Variants in ACACB observed in about 807,000 individuals in gnomAD.
The protein encoded by ACACB is acetyl-CoA carboxylase 2.
Under a neutral mutation model 278.8 loss-of-function variants are expected in ACACB, and 209 were observed. The observed-to-expected ratio is 0.75, with a 90% confidence interval of 0.67 to 0.84. ACACB has a LOEUF of 0.84. ACACB is among the 40% of genes least tolerant of loss of function. ACACB has a pLI of 0.00. For synonymous variants in ACACB, 1,174 were observed against 1,285.6 expected, an observed-to-expected ratio of 0.91 and a Z score of 1.86; for missense variants, 2,850 against 3,269.0, an observed-to-expected ratio of 0.87 and a Z score of 3.13.
upstream of ACACB, among the ~76,000 whole-genome samples, chr12:109,116,058 T>C (rs999059299): frequency 9.9e-5 from 15 of 152,234 alleles, no homozygotes; most frequent in African/African-American, 3.4e-4. Flanking sequence ...TCTTCTGTGC[T>C]CAACCCTAGC....
In ACACB at chr12:109,254,253, C is replaced by T; in HGVS notation, c.6085C>T (p.Pro2029Ser). The T allele has an allele frequency of 6.2e-7, 1 of 1,613,802 alleles. No homozygotes were observed. Among genetic ancestry groups the T allele is most frequent in the Non-Finnish European group, 8.5e-7 (1 of 1,179,838 alleles). ...TGTCCCTATCATCACACCCACTGAC[C>T]CCATTGACAGAGAAATTGAATTCCT... ...SPVPIITPTDPIDREIEFLPS... is the reference protein window; with the variant it reads ...SPVPIITPTDSIDREIEFLPS... The change falls in exon 44 of 53, where the codon CCC becomes TCC. Residue 2029 changes from proline (P) to serine (S), a missense_variant. Pro to Ser is a moderately conservative substitution (Grantham distance 74, BLOSUM62 -1). This residue lies in a region of ACACB where 579 missense variants were observed against 684.6 expected (regional missense o/e 0.85). Transcript: ENST00000338432.
At chr12:109,232,506 A>AGGCCCC (rs1192142284) in intron 28 of ACACB, among the ~76,000 whole-genome samples, 163 bp from the exon 29 acceptor site, 3 of 152,114 alleles carry the variant, frequency 2.0e-5, no homozygotes, top group African/African-American at 4.8e-5. Context: ...GACCCTCCTC[A>AGGCCCC]GGCCCCGGCC....
chr12:109,198,965 A>T (rs1449205615), intron 17 of ACACB, among the ~76,000 whole-genome samples: 1 of 151,812 alleles, frequency 6.6e-6, no homozygotes, highest in Admixed American at 6.6e-5. Context: ...AGGCGGGCGG[A>T]TCATGAGGTC....
chr12:109,250,536 G>A (rs867629019), intron 41 of ACACB, among the ~76,000 whole-genome samples: 2 of 152,190 alleles, frequency 1.3e-5, no homozygotes, highest in Admixed American at 6.5e-5. Flanking sequence ...GGTACTGAAT[G>A]TTTAGAAGAA....
chr12:109,261,315 T>C (rs2047370020), intron 48 of ACACB, among the ~76,000 whole-genome samples: 1 of 152,222 alleles, frequency 6.6e-6, no homozygotes, highest in Non-Finnish European at 1.5e-5. Flanking sequence ...CCTCACTGTA[T>C]GCCAGCCATT....
chr12:109,252,235 G>A, intron 42 of ACACB, 79 bp downstream of exon 42: 1 of 998,142 alleles, frequency 1.0e-6, no homozygotes, highest in Non-Finnish European at 1.4e-6. Context: ...TCTCTGGTGG[G>A]GGATTTTTCT....
chr12:109,243,828 T>C (rs553748949), intron 37 of ACACB, among the ~76,000 whole-genome samples: 3 of 151,610 alleles, frequency 2.0e-5, no homozygotes, highest in South Asian at 4.2e-4. Flanking sequence ...ACCACTGACA[T>C]TGGTGATGTG....
chr12:109,183,910 T>A (rs1485833094), intron 11 of ACACB, among the ~76,000 whole-genome samples: 1 of 152,034 alleles, frequency 6.6e-6, no homozygotes, highest in African/African-American at 2.4e-5. Flanking sequence ...AAAGTTTTCT[T>A]TATTTTTTTT....
chr12:109,257,712 AG>A (rs2047265783), intron 45 of ACACB, among the ~76,000 whole-genome samples: 1 of 152,088 alleles, frequency 6.6e-6, no homozygotes, highest in South Asian at 2.1e-4. Context: ...CTGGGACTAG[AG>A]GTGTGCGCCA....
chr12:109,170,987 C>T (rs2044094264), intron 4 of ACACB, among the ~76,000 whole-genome samples: 1 of 151,198 alleles, frequency 6.6e-6, no homozygotes, highest in South Asian at 2.1e-4. Flanking sequence ...TAGGCATGCA[C>T]CACCATTCCT....
chr12:109,112,090 C>T (rs946506266), upstream of ACACB, among the ~76,000 whole-genome samples: 19 of 151,838 alleles, frequency 1.3e-4, no homozygotes, highest in Admixed American at 2.6e-4. Context: ...GTAGGGGGAG[C>T]AGTGAGCTCC....
intron 26 of ACACB, 94 bp downstream of exon 26, chr12:109,223,006 G>T: frequency 1.0e-6 from 1 of 974,642 alleles, no homozygotes; most frequent in South Asian, 1.4e-5. Flanking sequence ...CCCTCCAGGT[G>T]CTCAGTGGGG....
chr12:109,172,580 A>G (rs1313535280), intron 6 of ACACB, among the ~76,000 whole-genome samples: 2 of 152,226 alleles, frequency 1.3e-5, no homozygotes, highest in East Asian at 3.9e-4. Context: ...GAAGACACAC[A>G]GGCAGCCAAC....
In ACACB at chr12:109,216,726, A is replaced by G; in HGVS notation, c.3439+20A>G. ...AGCAAGGCAAGAGATGCTGATGCCAACACCAGTGGGATGGTGGGGGGCGTG... is the reference window on the plus strand; with the variant it reads ...AGCAAGGCAAGAGATGCTGATGCCAGCACCAGTGGGATGGTGGGGGGCGTG... On this transcript the variant is annotated intron_variant, in intron 23 of 52. Coordinates refer to ENST00000338432, the MANE Select transcript of ACACB (RefSeq NM_001093.4). 1.9e-6 allele frequency: 3 copies of G among 1,614,104 alleles called. No homozygotes were observed. The highest frequency in any genetic ancestry group is 1.3e-5 in the African/African-American group (1 of 75,024).
chr12:109,230,330 G>A lies in ACACB; in HGVS notation c.4002-2339G>A, dbSNP rs370388573. Among the ~76,000 whole-genome samples the A allele has an allele frequency of 1.6e-4, 25 of 152,336 alleles. 1 individual carries two copies. The South Asian group carries it at 5.2e-3, about 32-fold the overall frequency. ...CCCATTGAGAGAAAGGGGACTGACT[G>A]CTTGCAGCCTGGGGTCATTCTGGGG... On this transcript the variant is annotated intron_variant, in intron 28 of 52. Coordinates refer to ENST00000338432, the MANE Select transcript of ACACB (RefSeq NM_001093.4).
chr12:109,174,051 C>T lies in ACACB; in HGVS notation c.1118-81C>T, dbSNP rs533866348. On this transcript the variant is annotated intron_variant, in intron 6 of 52. Transcript: ENST00000338432. ...ATCTGCTCCTTACCTGGCCCCACCA[C>T]CGTGCACTCGGTCGGCCTTCAGCCT... 56 of 1,218,914 alleles carry T rather than the reference C, an allele frequency of 4.6e-5. No homozygotes were observed. The South Asian group carries it at 7.1e-4, about 15-fold the overall frequency. The allele number at this position is 1,218,914 out of a possible 1,614,324, so 75.5% of individuals were successfully genotyped here.
chr12:109,206,951 G>C, intron 20 of ACACB, 95 bp downstream of exon 20: 1 of 1,385,102 alleles, frequency 7.2e-7, no homozygotes, highest in Non-Finnish European at 1.0e-6. Context: ...TAAGAAATGA[G>C]AAAATGGTCG....
At position 109,246,529 on chromosome 12, in the gene ACACB, A is replaced by C. The variant is rs1190406236; in HGVS notation, c.5571+81A>C. 1.4e-5 allele frequency: 22 copies of C among 1,530,692 alleles called. No homozygotes were observed. The East Asian group carries it at 4.5e-4, about 32-fold the overall frequency. 94.8% of individuals were successfully genotyped at this position (1,530,692 alleles called of 1,614,324 possible). A position where few individuals can be genotyped will look rare whatever the true frequency, so the allele number is the denominator to read the frequency against. On this transcript the variant is annotated intron_variant, in intron 39 of 52. Coordinates refer to ENST00000338432, the MANE Select transcript of ACACB (RefSeq NM_001093.4). ...CAGTGGGAGTGCTAGCACCTGCAAG[A>C]GGTGAAAAAAATCTCACTTATGTAT...
rs1402001944 is a variant in ACACB, at chr12:109,210,021, G to A, written c.3249+668G>A. 2.4e-4 allele frequency among the ~76,000 whole-genome samples: 24 copies of A among 99,094 alleles called. 3 individuals are homozygous for A. The highest frequency in any genetic ancestry group is 1.9e-4 in the Non-Finnish European group (10 of 51,426). 65.0% of individuals were successfully genotyped at this position (99,094 alleles called of 152,430 possible). Reference sequence around the variant, plus strand: ...TGTGTATATGTGTATATATACACACGTGTGTATATATGTGTATATGTGTAT... The same window carrying A: ...TGTGTATATGTGTATATATACACACATGTGTATATATGTGTATATGTGTAT... On this transcript the variant is annotated intron_variant, in intron 21 of 52. Transcript: ENST00000338432.
Sources: gnomAD v4.1 joint callset for allele counts (sites outside exome capture counted in the v4.1 genomes callset) on GRCh38, gnomAD v4.1.1 for gene constraint, gnomAD v4.1.1 regional missense constraint, MANE v1.5 for transcripts, NCBI Gene and HGNC (gene_info 2026-07-23, HGNC 2026-07-21) for gene names.